The following CNTNAP2 variants were observed in gnomAD, a reference collection of about 807,000 sequenced individuals.
CNTNAP2 encodes the protein contactin-associated protein-like 2.
In CNTNAP2, 98 loss-of-function variants were observed where a neutral mutation model predicts 155.2. The observed-to-expected ratio is 0.63, with a 90% CI of 0.54 to 0.75. CNTNAP2 has a LOEUF of 0.75. Ranked by LOEUF, CNTNAP2 falls within the 30% of genes least tolerant of loss-of-function variation. The pLI is 0.00. For missense variants in CNTNAP2, 1,727 were observed against 1,688.1 expected, an observed-to-expected ratio of 1.02 and a Z score of -0.40; for synonymous variants, 651 against 631.2, an observed-to-expected ratio of 1.03 and a Z score of -0.47.
At chr7:147,691,887 G>T (rs1796092253) in intron 13 of CNTNAP2, among the ~76,000 whole-genome samples, 1 of 152,044 alleles carries the variant, frequency 6.6e-6, no homozygotes, top group Non-Finnish European at 1.5e-5. Flanking sequence ...CAACTCCACA[G>T]TTTACATTAG....
chr7:147,534,684 G>C (rs1479689092), intron 11 of CNTNAP2, among the ~76,000 whole-genome samples: 1 of 152,162 alleles, frequency 6.6e-6, no homozygotes, highest in Non-Finnish European at 1.5e-5. Context: ...CCTTCGGGTG[G>C]AGAAAGAACT....
At chr7:147,022,994 CTT>C (rs1334479590) in intron 3 of CNTNAP2, among the ~76,000 whole-genome samples, 4 of 152,062 alleles carry the variant, frequency 2.6e-5, no homozygotes, top group African/African-American at 9.7e-5. Flanking sequence ...TTAATCATGA[CTT>C]GGAATTAATT....
At chr7:146,125,103 A>G (rs1797615868) in intron 1 of CNTNAP2, among the ~76,000 whole-genome samples, 2 of 152,224 alleles carry the variant, frequency 1.3e-5, no homozygotes, top group Non-Finnish European at 1.5e-5. Flanking sequence ...AGAGATTTTC[A>G]ATGGCAGTAA....
At chr7:146,737,139 T>C (rs1205879956) in intron 1 of CNTNAP2, among the ~76,000 whole-genome samples, 2 of 152,136 alleles carry the variant, frequency 1.3e-5, no homozygotes, top group Non-Finnish European at 2.9e-5. Context: ...GGAACTCAGT[T>C]ACAAGACATA....
intron 1 of CNTNAP2, among the ~76,000 whole-genome samples, chr7:146,225,016 G>C (rs114375316): frequency 0.014 from 2,113 of 152,240 alleles, 54 homozygotes; most frequent in African/African-American, 0.048. Flanking sequence ...GTTTTTATGT[G>C]ATTACATTTA....
At chr7:148,027,663 T>C (rs945463764) in intron 15 of CNTNAP2, among the ~76,000 whole-genome samples, 1 of 152,224 alleles carries the variant, frequency 6.6e-6, no homozygotes, top group African/African-American at 2.4e-5. Flanking sequence ...CTTTTAACAA[T>C]CATACCATCA....
chr7:146,242,529 C>T (rs1799579361), intron 1 of CNTNAP2, among the ~76,000 whole-genome samples: 1 of 146,904 alleles, frequency 6.8e-6, no homozygotes, highest in South Asian at 2.1e-4. Context: ...CAGAGTGAGA[C>T]TCTGTCTCAA....
chr7:147,543,964 A>G (rs1247437716), intron 11 of CNTNAP2, among the ~76,000 whole-genome samples: 1 of 152,204 alleles, frequency 6.6e-6, no homozygotes, highest in Non-Finnish European at 1.5e-5. Flanking sequence ...TATTAGTTTT[A>G]AACACAAAGC....
intron 22 of CNTNAP2, among the ~76,000 whole-genome samples, chr7:148,396,583 A>G (rs953098365): frequency 1.3e-5 from 2 of 152,218 alleles, no homozygotes; most frequent in Admixed American, 1.3e-4. Flanking sequence ...TGTCCTTGCT[A>G]TGATCTCTAC....
chr7:147,257,313 G>A (rs895039896), intron 8 of CNTNAP2, among the ~76,000 whole-genome samples: 1 of 152,170 alleles, frequency 6.6e-6, no homozygotes, highest in Non-Finnish European at 1.5e-5. Context: ...CTGTTGAACA[G>A]GAAGCAAGTC....
chr7:146,300,094 T>C (rs1317688544), intron 1 of CNTNAP2, among the ~76,000 whole-genome samples: 1 of 152,168 alleles, frequency 6.6e-6, no homozygotes, highest in Admixed American at 6.6e-5. Context: ...TTTGCAGTTA[T>C]CAAGAAATGA....
chr7:147,960,922 A>C (rs1400520943), intron 14 of CNTNAP2, among the ~76,000 whole-genome samples: 3 of 152,154 alleles, frequency 2.0e-5, no homozygotes, highest in Non-Finnish European at 2.9e-5. Context: ...AGAAGCCTGC[A>C]TGCAGGAAAT....
intron 1 of CNTNAP2, among the ~76,000 whole-genome samples, chr7:146,672,500 G>C (rs776080921): frequency 2.9e-4 from 44 of 152,146 alleles, no homozygotes; most frequent in Admixed American, 1.6e-3. Context: ...CAAGTCATAG[G>C]ACCAGTGTAG....
At position 146,822,896 on chromosome 7, in the gene CNTNAP2, G is replaced by T. The variant is rs916680515; in HGVS notation, c.209-16815G>T. On this transcript the variant is annotated intron_variant, in intron 2 of 23. Transcript: ENST00000361727. ...ACTCATTCTTCAGCATATTTACATG[G>T]AAATATACTCATTCTTCAGCATATT... Among the ~76,000 whole-genome samples the T allele has an allele frequency of 1.3e-4, 18 of 136,642 alleles. No homozygotes were observed. In the East Asian group the frequency reaches 1.8e-3, roughly 14 times the overall value. The allele number at this position is 136,642 out of a possible 152,430, so 89.6% of individuals were successfully genotyped here.
chr7:146,352,469 T>A (rs1794929025), intron 1 of CNTNAP2, among the ~76,000 whole-genome samples: 1 of 152,094 alleles, frequency 6.6e-6, no homozygotes, highest in Non-Finnish European at 1.5e-5. Context: ...GATATTAGAT[T>A]TGAATTTTTG....
intron 13 of CNTNAP2, among the ~76,000 whole-genome samples, chr7:147,669,260 C>T (rs1362712189): frequency 6.6e-6 from 1 of 152,122 alleles, no homozygotes; most frequent in East Asian, 1.9e-4. Flanking sequence ...CTTGTTACTT[C>T]ATATAACAAA....
At chr7:146,629,896 A>T (rs954714791) in intron 1 of CNTNAP2, among the ~76,000 whole-genome samples, 1 of 152,178 alleles carries the variant, frequency 6.6e-6, no homozygotes, top group Non-Finnish European at 1.5e-5. Flanking sequence ...ATTGTATTGC[A>T]TTAGCCTTCA....
At chr7:146,276,955 A>T (rs1451301366) in intron 1 of CNTNAP2, among the ~76,000 whole-genome samples, 1 of 151,766 alleles carries the variant, frequency 6.6e-6, no homozygotes, top group Non-Finnish European at 1.5e-5. Flanking sequence ...ATGTGACCTA[A>T]TTTGAAAAAT....
At chr7:148,053,980 T>C (rs1802957177) in intron 15 of CNTNAP2, among the ~76,000 whole-genome samples, 2 of 150,712 alleles carry the variant, frequency 1.3e-5, no homozygotes, top group African/African-American at 4.9e-5. Flanking sequence ...TCTTTTTTTT[T>C]TTTTTTTTTC....
Sources: gnomAD v4.1 joint callset for allele counts (sites outside exome capture counted in the v4.1 genomes callset) on GRCh38, gnomAD v4.1.1 for gene constraint, MANE v1.5 for transcripts, NCBI Gene and HGNC (gene_info 2026-07-23, HGNC 2026-07-21) for gene names.